FRMPD1: variants seen among roughly 807,000 people sequenced by gnomAD.
The protein encoded by FRMPD1 is FERM and PDZ domain-containing protein 1.
Under a neutral mutation model 117.8 loss-of-function variants are expected in FRMPD1, and 76 were observed. The ratio of observed to expected loss-of-function variants is 0.65; its 90% CI spans 0.54 to 0.78. FRMPD1 has a LOEUF of 0.78. FRMPD1 is among the 30% of genes least tolerant of loss of function. The pLI is 0.00. For missense variants in FRMPD1, 1,786 were observed against 1,964.5 expected (o/e 0.91, Z 1.72); for synonymous variants, 783 against 770.4 (o/e 1.02, Z -0.27).
intron 1 of FRMPD1, among the ~76,000 whole-genome samples, chr9:37,673,380 G>C (rs2117855316): frequency 6.6e-6 from 1 of 152,344 alleles, no homozygotes; most frequent in African/African-American, 2.4e-5. Flanking sequence ...GTCTTGGGCA[G>C]CTCCGCCCCT....
intron 1 of FRMPD1, among the ~76,000 whole-genome samples, chr9:37,678,555 C>T (rs1289777245): frequency 6.6e-6 from 1 of 151,970 alleles, no homozygotes; most frequent in African/African-American, 2.4e-5. Flanking sequence ...GCCACCACAC[C>T]CGGCGTACTT....
chr9:37,708,643 G>C, intron 4 of FRMPD1, 142 bp downstream of exon 4: 1 of 590,532 alleles, frequency 1.7e-6, no homozygotes. Flanking sequence ...TCGTTTTAGA[G>C]TTCCATCTAT....
chr9:37,721,907 C>T (rs968339567), intron 6 of FRMPD1, among the ~76,000 whole-genome samples: 1 of 152,140 alleles, frequency 6.6e-6, no homozygotes, highest in Non-Finnish European at 1.5e-5. Flanking sequence ...TAAATTATTG[C>T]AGCTCTCTAA....
At chr9:37,741,707 T>A (rs780818513) in intron 15 of FRMPD1, among the ~76,000 whole-genome samples, 1 of 152,184 alleles carries the variant, frequency 6.6e-6, no homozygotes, top group Non-Finnish European at 1.5e-5. Flanking sequence ...CTCTGTGACA[T>A]GGCCTCTGCC....
At chr9:37,731,140 GT>G (rs1563955566) in intron 9 of FRMPD1, 37 bp downstream of exon 9, 2 of 1,603,494 alleles carry the variant, frequency 1.2e-6, no homozygotes, top group Non-Finnish European at 1.7e-6. Flanking sequence ...AACAGTGGTT[GT>G]TCTCAAAGAT....
intron 2 of FRMPD1, among the ~76,000 whole-genome samples, chr9:37,695,364 T>A (rs1194558250): frequency 6.6e-6 from 1 of 152,210 alleles, no homozygotes; most frequent in Admixed American, 6.5e-5. Context: ...TGTGGAATGT[T>A]GTCTCATTGT....
At chr9:37,605,558 GC>G in the FRMPD1 span, among the ~76,000 whole-genome samples, 7 of 152,134 alleles carry the variant, frequency 4.6e-5, 1 homozygote, top group Admixed American at 3.9e-4. Flanking sequence ...CCCTAGAGGA[GC>G]CCCCTGCTAA....
chr9:37,672,883 G>A (rs896574177), intron 1 of FRMPD1, among the ~76,000 whole-genome samples: 2 of 152,140 alleles, frequency 1.3e-5, no homozygotes, highest in African/African-American at 4.8e-5. Context: ...CCAGCCCCGT[G>A]ATTAAATTAC....
chr9:37,740,937 C>T lies in FRMPD1; in HGVS notation c.2356+53C>T, dbSNP rs759092352. ...CACGGCAGGCAGCTCCTGAGTGCCT[C>T]CCGGGGATCAAGGCCTGGGGCCAAG... On this transcript the variant is annotated intron_variant, in intron 15 of 15. Coordinates refer to ENST00000377765, the MANE Select transcript of FRMPD1 (RefSeq NM_014907.3). This position sits in a 1 kb window ranked among gnomAD's most constrained non-coding sequence, Gnocchi z 4.2. The T allele has an allele frequency of 7.1e-7, 1 of 1,410,964 alleles. No individual in the cohort carries two copies. The highest frequency in any genetic ancestry group is 1.2e-5 in the South Asian group (1 of 86,584). The allele number at this position is 1,410,964 out of a possible 1,614,324, so 87.4% of individuals were successfully genotyped here.
chr9:37,708,294 T>C (rs1822785410), intron 3 of FRMPD1, 105 bp from the exon 4 acceptor site: 3 of 690,626 alleles, frequency 4.3e-6, no homozygotes, highest in South Asian at 3.5e-5. Flanking sequence ...AGTGAGCCAG[T>C]GCCCCTGGGA....
chr9:37,659,927 A>C (rs1437109779), intron 1 of FRMPD1, among the ~76,000 whole-genome samples: 1 of 150,286 alleles, frequency 6.7e-6, no homozygotes, highest in Admixed American at 6.6e-5. Flanking sequence ...AAAAAAAAAA[A>C]AAAAAAACAA....
rs33919741 is a variant in FRMPD1, at chr9:37,696,075, T to TA, written c.101+3335dup. On this transcript the variant is annotated intron_variant, in intron 2 of 15. Coordinates refer to ENST00000377765, the MANE Select transcript of FRMPD1 (RefSeq NM_014907.3). ...GCTTTTTTTTTTTTTTTTTTTTTTT[T>TA]AATATCTAGAAGTCATCGAGCTCTT... Among the ~76,000 whole-genome samples the TA allele has an allele frequency of 4.2e-3, 502 of 120,658 alleles. 32 individuals carry two copies. Among genetic ancestry groups the TA allele is most frequent in the East Asian group, 0.027 (97 of 3,620 alleles). 79.2% of individuals were successfully genotyped at this position (120,658 alleles called of 152,430 possible).
chr9:37,729,615 TG>T, intron 7 of FRMPD1, 112 bp from the exon 8 acceptor site: 1 of 1,078,902 alleles, frequency 9.3e-7, no homozygotes, highest in Non-Finnish European at 1.4e-6. Flanking sequence ...AAGTCAGCAG[TG>T]GGCATGTCAG....
At chr9:37,667,691 G>GAAAA (rs3075983) in intron 1 of FRMPD1, among the ~76,000 whole-genome samples, 16,391 of 144,596 alleles carry the variant, frequency 0.11, 1,556 homozygotes, top group African/African-American at 0.26. Context: ...CTCAAAAAAA[G>GAAAA]AAAAAAAAAA....
In FRMPD1 at chr9:37,678,251, CTTT is replaced by C. The variant is rs34040451; in HGVS notation, c.-4-14361_-4-14359del. 9.2e-3 allele frequency among the ~76,000 whole-genome samples: 732 copies of C among 79,734 alleles called. 5 individuals are homozygous for C. Among genetic ancestry groups the C allele is most frequent in the East Asian group, 0.053 (90 of 1,690 alleles). 52.3% of individuals were successfully genotyped at this position (79,734 alleles called of 152,430 possible). A position where few individuals can be genotyped will look rare whatever the true frequency, so the allele number is the denominator to read the frequency against. On this transcript the variant is annotated intron_variant, in intron 1 of 15. Transcript: ENST00000377765. ...CTCTTTTCCCCTCTAGTACTTACCACTTTTTTTTTTTTTTTTTTTTTTTTTTTT... is the reference window on the plus strand; with the variant it reads ...CTCTTTTCCCCTCTAGTACTTACCACTTTTTTTTTTTTTTTTTTTTTTTTT...
chr9:37,654,225 C>T (rs1820774042), intron 1 of FRMPD1, among the ~76,000 whole-genome samples: 1 of 152,096 alleles, frequency 6.6e-6, no homozygotes. Flanking sequence ...ACAGGTTGTG[C>T]CAAAGGCTGG....
At chr9:37,678,072 G>A (rs575970318) in intron 1 of FRMPD1, among the ~76,000 whole-genome samples, 19 of 152,174 alleles carry the variant, frequency 1.2e-4, no homozygotes, top group South Asian at 4.2e-4. Context: ...CAGATGTGTC[G>A]TGGCTAAGCC....
At chr9:37,608,058 G>A in the FRMPD1 span, among the ~76,000 whole-genome samples, 1 of 152,216 alleles carries the variant, frequency 6.6e-6, no homozygotes, top group African/African-American at 2.4e-5. Context: ...TTGAAGGCGA[G>A]ACGGGGTAGT....
At chr9:37,625,590 G>A in the FRMPD1 span, among the ~76,000 whole-genome samples, 2 of 152,184 alleles carry the variant, frequency 1.3e-5, no homozygotes, top group Non-Finnish European at 2.9e-5. Flanking sequence ...AGGGTCATCT[G>A]GTCATGGACC....
Sources: gnomAD v4.1 joint callset for allele counts (sites outside exome capture counted in the v4.1 genomes callset) on GRCh38, gnomAD v4.1.1 for gene constraint, Gnocchi (gnomAD v3.1) non-coding constraint, MANE v1.5 for transcripts, NCBI Gene and HGNC (gene_info 2026-07-23, HGNC 2026-07-21) for gene names.